The following ZNF610 variants were observed in gnomAD, a reference collection of about 807,000 sequenced individuals.
ZNF610 encodes the protein zink finger protein.
ZNF610 carries 14 observed loss-of-function variants against 14.1 expected under a neutral mutation model. The ratio of observed to expected loss-of-function variants is 0.99; its 90% CI spans 0.65 to 1.55. The LOEUF is 1.55. Ranked by LOEUF, ZNF610 falls within the 40% of genes most tolerant of loss-of-function variation. The pLI, the probability that ZNF610 is intolerant of heterozygous loss-of-function variation, is 0.00. For synonymous variants in ZNF610, 185 were observed against 187.6 expected, an observed-to-expected ratio of 0.99 and a Z score of 0.11; for missense variants, 530 against 558.0, an observed-to-expected ratio of 0.95 and a Z score of 0.51.
chr19:52,349,418 TG>T (rs1985136422), intron 3 of ZNF610, among the ~76,000 whole-genome samples, 183 bp downstream of exon 3: 1 of 151,948 alleles, frequency 6.6e-6, no homozygotes, highest in Non-Finnish European at 1.5e-5. Flanking sequence ...GGCGTGGTCC[TG>T]GGAAGGGCTC....
chr19:52,344,057 T>A (rs1450129878), intron 1 of ZNF610: 1 of 152,114 alleles, frequency 6.6e-6, no homozygotes, highest in Non-Finnish European at 1.5e-5. Flanking sequence ...TTATGGGGGC[T>A]GCTAAGGGGT....
intron 3 of ZNF610, 65 bp from the exon 4 acceptor site, chr19:52,353,617 T>C (rs1600235734): frequency 1.3e-6 from 2 of 1,566,696 alleles, no homozygotes; most frequent in Non-Finnish European, 1.7e-6. Context: ...CAAAAATGTT[T>C]ATCAACTAAA....
the ZNF610 span, among the ~76,000 whole-genome samples, chr19:52,330,584 C>T: frequency 6.6e-6 from 1 of 152,150 alleles, no homozygotes. Flanking sequence ...GTGAGCATCT[C>T]CAAAGAGACT....
chr19:52,366,998 C>G lies in ZNF610; in HGVS notation c.*231C>G. On this transcript the variant is annotated 3_prime_UTR_variant, in exon 6 of 6. Coordinates refer to ENST00000403906, the MANE Select transcript of ZNF610 (RefSeq NM_001161425.2). ...ATCAGAATAGAGCATTTAATGAAAA[C>G]TACCAGTATAGCATATTCTTGAGTA... The G allele has an allele frequency of 4.2e-6, 2 of 479,290 alleles. No homozygotes were observed. Among genetic ancestry groups the G allele is most frequent in the Non-Finnish European group, 7.3e-6 (2 of 275,856 alleles). The allele number at this position is 479,290 out of a possible 1,614,324, so 29.7% of individuals were successfully genotyped here. A position where few individuals can be genotyped will look rare whatever the true frequency, so the allele number is the denominator to read the frequency against.
intron 3 of ZNF610, among the ~76,000 whole-genome samples, chr19:52,351,204 C>A (rs556705672): frequency 6.6e-6 from 1 of 151,906 alleles, no homozygotes; most frequent in African/African-American, 2.4e-5. Context: ...CGCCTGTAAT[C>A]CCAGCACTTT....
intron 5 of ZNF610, 46 bp from the exon 6 acceptor site, chr19:52,365,652 C>T: frequency 1.3e-6 from 2 of 1,512,964 alleles, no homozygotes; most frequent in Non-Finnish European, 8.9e-7. Flanking sequence ...AGACGGTAAA[C>T]ATGCCAGAAT....
intron 4 of ZNF610, 21 bp downstream of exon 4, chr19:52,353,829 G>A (rs1985386559): frequency 1.2e-6 from 2 of 1,604,312 alleles, no homozygotes; most frequent in African/African-American, 2.7e-5. Flanking sequence ...CTTCCCTCCA[G>A]AAGCCGGGAT....
At chr19:52,333,691 A>G (rs1568641700), upstream of ZNF610, among the ~76,000 whole-genome samples, 1 of 152,264 alleles carries the variant, frequency 6.6e-6, no homozygotes, top group Non-Finnish European at 1.5e-5. Flanking sequence ...ATTAAAAGCT[A>G]GGCATGTAAA....
At chr19:52,340,612 A>AG (rs1439072896) in intron 1 of ZNF610, among the ~76,000 whole-genome samples, 3 of 151,930 alleles carry the variant, frequency 2.0e-5, no homozygotes, top group Non-Finnish European at 1.5e-5. Flanking sequence ...CCCCACTTAC[A>AG]GTCTCAGAGT....
At chr19:52,363,391 A>G (rs1033913860) in intron 5 of ZNF610, among the ~76,000 whole-genome samples, 8 of 152,210 alleles carry the variant, frequency 5.3e-5, no homozygotes, top group East Asian at 1.9e-4. Context: ...TCAGCCTCCC[A>G]AAGTGCTGGG....
chr19:52,354,911 C>A (rs1985455584), intron 5 of ZNF610, among the ~76,000 whole-genome samples: 2 of 152,124 alleles, frequency 1.3e-5, no homozygotes, highest in Non-Finnish European at 2.9e-5. Context: ...GTGGGAAACT[C>A]TCCAAAGGTG....
In ZNF610 at chr19:52,365,898, C is replaced by T. The variant is rs113980274; in HGVS notation, c.520C>T (p.His174Tyr). The part of the protein sequence containing the change: ...LQKISSSFTT[H>Y]IFNKYRNDLI... The stretch of plus-strand genomic sequence containing the variant: ...AAAAATTTCTTCTAGTTTCACAACA[C>T]ACATTTTTAATAAATATAGAAATGA... The change falls in exon 6 of 6, where the codon CAC becomes TAC. Residue 174 changes from histidine to tyrosine, a missense_variant. Coordinates refer to ENST00000403906, the MANE Select transcript of ZNF610 (RefSeq NM_001161425.2). The T allele has an allele frequency of 6.4e-4, 1,038 of 1,612,824 alleles. 5 individuals are homozygous for T. The African/African-American group carries it at 0.012, about 18-fold the overall frequency.
chr19:52,336,568 C>T (rs62108271), intron 1 of ZNF610, 62 bp downstream of exon 1: 10,495 of 156,050 alleles, frequency 0.067, 562 homozygotes, highest in African/African-American at 0.15. Context: ...AACGTCCTGC[C>T]CCGCGCTTTT....
chr19:52,336,202 C>T (rs1282099497), upstream of ZNF610: 1 of 189,212 alleles, frequency 5.3e-6, no homozygotes, highest in Non-Finnish European at 1.1e-5. Context: ...CGCCCCGTCC[C>T]GTCCCGGTCC....
rs2247986 is a variant in ZNF610 at position 52,360,942 on chromosome 19, C to G, written c.320-4756C>G. Among the ~76,000 whole-genome samples the G allele has an allele frequency of 4.5e-3, 680 of 152,298 alleles. 11 individuals are homozygous for G. In the East Asian group the frequency reaches 0.072, roughly 16 times the overall value. On this transcript the variant is annotated intron_variant, in intron 5 of 5. Transcript: ENST00000403906. ...ATGAGAGAGGGAGTGTTTTGTCCAT[C>G]ACATGGAACATTTTTAAGAGTGTTG...
intron 1 of ZNF610, among the ~76,000 whole-genome samples, chr19:52,338,902 C>T (rs566134140): frequency 6.2e-5 from 9 of 146,068 alleles, no homozygotes; most frequent in African/African-American, 1.5e-4. Flanking sequence ...AGGGGACCGG[C>T]GCTCAGCATA....
the ZNF610 span, among the ~76,000 whole-genome samples, chr19:52,330,854 T>A: frequency 6.6e-6 from 1 of 152,212 alleles, no homozygotes; most frequent in Non-Finnish European, 1.5e-5. Context: ...AAGGATCTAT[T>A]AATGCACTAA....
rs2308248 is a variant in ZNF610, at chr19:52,367,712, T to TTTG, written c.*947_*948insGTT. On this transcript the variant is annotated 3_prime_UTR_variant, in exon 6 of 6. Coordinates refer to ENST00000403906, the MANE Select transcript of ZNF610 (RefSeq NM_001161425.2). ...TTTATGTGGGTAAAGTCAAAATCAC[T>TTTG]TTAATAGTACAATTTCAGCCTTGTA... is the stretch of plus-strand genomic sequence containing the variant. 0.82 allele frequency: 124,051 copies of TTTG among 151,702 alleles called. 50,987 individuals carry two copies. The highest frequency in any genetic ancestry group is 0.88 in the African/African-American group (36,553 of 41,386). 9.4% of individuals were successfully genotyped at this position (151,702 alleles called of 1,614,324 possible). A position where few individuals can be genotyped will look rare whatever the true frequency, so the allele number is the denominator to read the frequency against.
chr19:52,360,639 G>GT (rs1055316473), intron 5 of ZNF610, among the ~76,000 whole-genome samples: 2 of 152,182 alleles, frequency 1.3e-5, no homozygotes, highest in African/African-American at 4.8e-5. Context: ...TTTTTCAAAT[G>GT]TTTTTTCTGC....
Sources: gnomAD v4.1 joint callset for allele counts (sites outside exome capture counted in the v4.1 genomes callset) on GRCh38, gnomAD v4.1.1 for gene constraint, MANE v1.5 for transcripts, NCBI Gene and HGNC (gene_info 2026-07-23, HGNC 2026-07-21) for gene names.